Variants in HHLA1 observed in about 807,000 individuals in gnomAD.
HHLA1 encodes the protein HERV-H LTR-associating protein 1.
Under a neutral mutation model 69.9 loss-of-function variants are expected in HHLA1, and 72 were observed. That is an observed-to-expected ratio of 1.03 (90% CI 0.85 to 1.25). The LOEUF is 1.25. Among genes scored for constraint, HHLA1 ranks in the 50% most tolerant of loss-of-function variants. The probability of loss-of-function intolerance (pLI) is 0.00; values close to 1 mark genes in which losing one functional copy is unlikely to be tolerated. For synonymous variants in HHLA1, 252 were observed against 233.2 expected (o/e 1.08, Z -0.73); for missense variants, 685 against 642.2 (o/e 1.07, Z -0.72).
chr8:132,076,961 T>C (rs1314793350), intron 12 of HHLA1, among the ~76,000 whole-genome samples: 1 of 152,194 alleles, frequency 6.6e-6, no homozygotes, highest in Non-Finnish European at 1.5e-5. Flanking sequence ...GTCATATTCA[T>C]GACAGAGTAC....
chr8:132,102,878 A>G (rs1429212576), intron 3 of HHLA1, among the ~76,000 whole-genome samples: 1 of 151,762 alleles, frequency 6.6e-6, no homozygotes, highest in Non-Finnish European at 1.5e-5. Context: ...TGATTTTGAT[A>G]ACAATATTTG....
At position 132,105,278 on chromosome 8, in the gene HHLA1, C is replaced by T. The variant is rs1334118528; in HGVS notation, c.-13G>A. The T allele has an allele frequency of 1.9e-6, 3 of 1,550,352 alleles. No individual in the cohort carries two copies. The highest frequency in any genetic ancestry group is 2.6e-6 in the Non-Finnish European group (3 of 1,145,508). ...GGAAGCCCAGCATGCTTGTGATACTCTGGCCCACCTGGAATGAAGCAAGCA... is the reference window on the plus strand; with the variant it reads ...GGAAGCCCAGCATGCTTGTGATACTTTGGCCCACCTGGAATGAAGCAAGCA... On this transcript the variant is annotated 5_prime_UTR_variant, in exon 2 of 17. Transcript: ENST00000414222.
intron 1 of HHLA1, among the ~76,000 whole-genome samples, chr8:132,109,792 G>A (rs193174242): frequency 1.3e-5 from 2 of 152,270 alleles, no homozygotes; most frequent in East Asian, 3.9e-4. Flanking sequence ...ATCTTGGAGT[G>A]CCAGTAAAAA....
chr8:132,087,743 C>A lies in HHLA1; in HGVS notation c.590-4G>T. The A allele has an allele frequency of 1.3e-6, 2 of 1,549,768 alleles. No homozygotes were observed. The highest frequency in any genetic ancestry group is 2.4e-5 in the South Asian group (2 of 84,018). On this transcript the variant is annotated splice_region_variant and splice_polypyrimidine_tract_variant and intron_variant, in intron 9 of 16. Coordinates refer to ENST00000414222, the MANE Select transcript of HHLA1 (RefSeq NM_001145095.3). Reference sequence around the variant, plus strand: ...CAGAAGTCAGAAAGATTCCTTCCTGCAAAAATCACACCAACAGGGTCAGAT... The same window carrying A: ...CAGAAGTCAGAAAGATTCCTTCCTGAAAAAATCACACCAACAGGGTCAGAT...
intron 10 of HHLA1, among the ~76,000 whole-genome samples, chr8:132,081,801 C>G (rs1169192770): frequency 6.6e-6 from 1 of 152,088 alleles, no homozygotes; most frequent in Non-Finnish European, 1.5e-5. Context: ...AGGGAGGGGG[C>G]CTGAATAATC....
At chr8:132,074,368 G>T (rs910509907) in intron 14 of HHLA1, among the ~76,000 whole-genome samples, 2 of 151,400 alleles carry the variant, frequency 1.3e-5, no homozygotes, top group African/African-American at 4.9e-5. Context: ...TGGAAAAGGT[G>T]ACACAGAGGT....
chr8:132,075,152 G>T (rs547016124), intron 14 of HHLA1, among the ~76,000 whole-genome samples: 1 of 152,172 alleles, frequency 6.6e-6, no homozygotes, highest in Non-Finnish European at 1.5e-5. Flanking sequence ...GTGTCTGAAA[G>T]GTTCATTCAC....
chr8:132,064,067 T>A, intron 16 of HHLA1, 29 bp from the exon 17 acceptor site: 1 of 1,276,132 alleles, frequency 7.8e-7, no homozygotes. Context: ...AAGAAGGAAC[T>A]CAAGGTACTG....
intron 15 of HHLA1, chr8:132,070,210 T>C: frequency 3.1e-6 from 2 of 649,050 alleles, no homozygotes; most frequent in South Asian, 1.8e-5. Context: ...TGTAATTTAG[T>C]TCTGGGTTTA....
intron 1 of HHLA1, among the ~76,000 whole-genome samples, chr8:132,109,415 G>A (rs939910363): frequency 7.0e-6 from 1 of 143,006 alleles, no homozygotes; most frequent in African/African-American, 2.6e-5. Flanking sequence ...ATTTTTGTGA[G>A]GACTCCTATA....
Position 132,079,805 on chromosome 8 carries a change from CCT to C in HHLA1, c.836_837del (p.Glu279GlyfsTer10). On this transcript the variant is annotated frameshift_variant, in exon 11 of 17. Coordinates refer to ENST00000414222, the MANE Select transcript of HHLA1 (RefSeq NM_001145095.3). LOFTEE classifies it high-confidence loss of function. ...GGAGGCCTGCCTGTGTTCAGGGTCT[CCT>C]CTGTTTCTGAAGGAGCAGCTGTCTC... ...WTETAAPSET[E>X]ETLNTGRPPE... 3.9e-6 allele frequency: 6 copies of C among 1,551,694 alleles called. No individual in the cohort carries two copies. The highest frequency in any genetic ancestry group is 5.2e-6 in the Non-Finnish European group (6 of 1,146,986).
At chr8:132,103,268 C>T (rs1056204437) in intron 3 of HHLA1, among the ~76,000 whole-genome samples, 4 of 152,138 alleles carry the variant, frequency 2.6e-5, no homozygotes, top group African/African-American at 9.7e-5. Flanking sequence ...ACTTTATACG[C>T]TTTTGTAACT....
rs535499970 is a variant in HHLA1 at position 132,105,277 on chromosome 8, T to C, written c.-12A>G. On this transcript the variant is annotated 5_prime_UTR_variant, in exon 2 of 17. Transcript: ENST00000414222. The stretch of plus-strand genomic sequence containing the variant: ...AGGAAGCCCAGCATGCTTGTGATAC[T>C]CTGGCCCACCTGGAATGAAGCAAGC... 2 of 1,550,926 alleles carry C rather than the reference T, an allele frequency of 1.3e-6. No homozygotes were observed. Among genetic ancestry groups the C allele is most frequent in the African/African-American group, 2.7e-5 (2 of 73,138 alleles).
intron 4 of HHLA1, 125 bp downstream of exon 4, chr8:132,099,950 A>T: frequency 1.5e-6 from 1 of 679,532 alleles, no homozygotes; most frequent in Non-Finnish European, 2.6e-6. Context: ...ACTTTTACTT[A>T]ATGATCAGAT....
chr8:132,084,880 G>A (rs984365574), intron 10 of HHLA1, among the ~76,000 whole-genome samples: 1 of 151,952 alleles, frequency 6.6e-6, no homozygotes, highest in Non-Finnish European at 1.5e-5. Context: ...CGATTGGGGG[G>A]TTCTTGCCGC....
chr8:132,102,059 C>G (rs113488848), intron 3 of HHLA1, among the ~76,000 whole-genome samples: 2 of 152,286 alleles, frequency 1.3e-5, no homozygotes, highest in African/African-American at 4.8e-5. Context: ...GTGAGTTTGA[C>G]TATTTTAGAT....
intron 7 of HHLA1, among the ~76,000 whole-genome samples, chr8:132,090,254 G>A (rs1370289420): frequency 6.6e-6 from 1 of 152,182 alleles, no homozygotes; most frequent in Non-Finnish European, 1.5e-5. Flanking sequence ...GCCTGACATG[G>A]TGGGCACTAT....
At chr8:132,086,735 T>A (rs148796833) in intron 10 of HHLA1, among the ~76,000 whole-genome samples, 2 of 152,346 alleles carry the variant, frequency 1.3e-5, no homozygotes, top group African/African-American at 4.8e-5. Context: ...ATCTACCAAC[T>A]GCCCATTTCA....
chr8:132,090,881 C>A (rs1025507294), intron 7 of HHLA1, among the ~76,000 whole-genome samples: 1 of 151,962 alleles, frequency 6.6e-6, no homozygotes, highest in African/African-American at 2.4e-5. Context: ...ACCTCAGCCT[C>A]CCAAGTATCT....
Sources: allele counts gnomAD v4.1 joint callset (sites outside exome capture counted in the v4.1 genomes callset), GRCh38; gene constraint gnomAD v4.1.1; transcripts MANE v1.5; gene names NCBI Gene and HGNC (gene_info 2026-07-23, HGNC 2026-07-21).